TRAK1: variants seen among roughly 807,000 people sequenced by gnomAD.
TRAK1 encodes trafficking kinesin-binding protein 1.
In TRAK1, 33 loss-of-function variants were observed where a neutral mutation model predicts 92.1. The ratio of observed to expected loss-of-function variants is 0.36; its 90% CI spans 0.27 to 0.48. TRAK1 has a LOEUF of 0.48. Ranked by LOEUF, TRAK1 falls within the 20% of genes least tolerant of loss-of-function variation. TRAK1 has a pLI of 0.99. For synonymous variants in TRAK1, 521 were observed against 517.3 expected (o/e 1.01, Z -0.10); for missense variants, 1,123 against 1,257.9 (o/e 0.89, Z 1.62).
intron 1 of TRAK1, among the ~76,000 whole-genome samples, chr3:42,091,803 A>C (rs1705108884): frequency 6.6e-6 from 1 of 151,910 alleles, no homozygotes; most frequent in Non-Finnish European, 1.5e-5. Flanking sequence ...CCCCTTGCCC[A>C]GGCTCAGTAG....
At chr3:42,187,718 CG>C (rs1174931355) in intron 4 of TRAK1, among the ~76,000 whole-genome samples, 22 of 152,246 alleles carry the variant, frequency 1.4e-4, no homozygotes, top group African/African-American at 5.3e-4. Flanking sequence ...CTGCCTGCCT[CG>C]GCCTCCCAAA....
chr3:42,083,915 C>A (rs1310823393), upstream of TRAK1, among the ~76,000 whole-genome samples: 1 of 151,882 alleles, frequency 6.6e-6, no homozygotes. Context: ...TAAATAAATT[C>A]TGAGGAATTA....
At chr3:42,183,375 G>T (rs533758768) in intron 3 of TRAK1, among the ~76,000 whole-genome samples, 2 of 152,020 alleles carry the variant, frequency 1.3e-5, no homozygotes, top group South Asian at 2.1e-4. Flanking sequence ...GGCCAACGTG[G>T]TGAAACCCTG....
rs1706188864 is a variant in TRAK1 at position 42,193,880 on chromosome 3, G to A, written c.957G>A (p.Gln319=). ...VQHLGAAKDA[Q]RQLTAELREL... Reference sequence around the variant, plus strand: ...ATCTGGGGGCTGCTAAGGATGCCCAGCGGCAGCTCACAGCCGAGGTGAGCA... The same window carrying A: ...ATCTGGGGGCTGCTAAGGATGCCCAACGGCAGCTCACAGCCGAGGTGAGCA... The change falls in exon 9 of 16, where the codon CAG becomes CAA. Residue 319 remains glutamine, a synonymous_variant. Transcript: ENST00000327628. The A allele has an allele frequency of 1.9e-6, 3 of 1,614,192 alleles. No individual in the cohort carries two copies. In the East Asian group the frequency reaches 6.7e-5, roughly 36 times the overall value.
At chr3:42,222,231 G>A (rs1480988910) in intron 15 of TRAK1, among the ~76,000 whole-genome samples, 2 of 152,102 alleles carry the variant, frequency 1.3e-5, no homozygotes, top group Admixed American at 6.6e-5. Context: ...GGGTAGCACC[G>A]TTGATGTAGA....
intron 1 of TRAK1, among the ~76,000 whole-genome samples, chr3:42,042,706 C>G (rs553493860): frequency 1.3e-5 from 2 of 152,146 alleles, no homozygotes; most frequent in African/African-American, 4.8e-5. Context: ...ATAGAGACTT[C>G]TGAGTAGAAA....
In TRAK1 at chr3:42,202,086, C is replaced by T. The variant is rs1707711129; in HGVS notation, c.1428-350C>T. On this transcript the variant is annotated intron_variant, in intron 12 of 15. Transcript: ENST00000327628. The surrounding 1 kb of genome is among the most constrained non-coding windows in gnomAD (Gnocchi z 6.1). Reference sequence around the variant, plus strand: ...TCCTTCAAGAGAAGAGAGAAACATGCCTTAACCCCATTATCCTTCTGGTAG... The same window carrying T: ...TCCTTCAAGAGAAGAGAGAAACATGTCTTAACCCCATTATCCTTCTGGTAG... Among the ~76,000 whole-genome samples the T allele has an allele frequency of 6.6e-6, 1 of 152,106 alleles. No homozygotes were observed. Among genetic ancestry groups the T allele is most frequent in the Non-Finnish European group, 1.5e-5 (1 of 68,026 alleles).
chr3:42,171,433 T>C (rs1272935305), intron 2 of TRAK1, among the ~76,000 whole-genome samples: 1 of 152,218 alleles, frequency 6.6e-6, no homozygotes, highest in Non-Finnish European at 1.5e-5. Flanking sequence ...AGAAAGCTTT[T>C]ATCAAGCTTG....
At chr3:42,181,847 T>C (rs1016631892) in intron 3 of TRAK1, among the ~76,000 whole-genome samples, 1 of 152,208 alleles carries the variant, frequency 6.6e-6, no homozygotes, top group Non-Finnish European at 1.5e-5. Context: ...CTGGAGACTT[T>C]AATTCTGTGC....
intron 2 of TRAK1, among the ~76,000 whole-genome samples, chr3:42,165,731 G>A (rs1002009782): frequency 6.6e-6 from 1 of 152,226 alleles, no homozygotes; most frequent in East Asian, 1.9e-4. Context: ...CTGACCTGGC[G>A]CATCAGTACC....
chr3:42,194,775 C>G, intron 9 of TRAK1, 29 bp from the exon 10 acceptor site: 1 of 1,610,792 alleles, frequency 6.2e-7, no homozygotes, highest in African/African-American at 1.3e-5. Flanking sequence ...TCAGGAGATC[C>G]TGACCCTCTG....
At chr3:42,021,745 T>A (rs1399671872) in intron 1 of TRAK1, among the ~76,000 whole-genome samples, 1 of 152,016 alleles carries the variant, frequency 6.6e-6, no homozygotes, top group Non-Finnish European at 1.5e-5. Context: ...CCTGGCTAAT[T>A]TTTGTATTTT....
intron 1 of TRAK1, among the ~76,000 whole-genome samples, chr3:42,104,320 C>A (rs990630723): frequency 6.6e-6 from 1 of 152,154 alleles, no homozygotes; most frequent in Non-Finnish European, 1.5e-5. Flanking sequence ...CTTAAATGTC[C>A]CTGTCTGACA....
chr3:42,090,779 G>A (rs186854557), upstream of TRAK1, among the ~76,000 whole-genome samples: 2 of 152,212 alleles, frequency 1.3e-5, no homozygotes, highest in African/African-American at 2.4e-5. Context: ...GTGACTTGGG[G>A]GTTCTTTGTT....
rs1701406210 is a variant in TRAK1, at chr3:42,013,910, G to A, written c.-726G>A. 1 of 150,540 alleles carries A rather than the reference G, an allele frequency of 6.6e-6. No homozygotes were observed. Among genetic ancestry groups the A allele is most frequent in the South Asian group, 2.1e-4 (1 of 4,822 alleles). The allele number at this position is 150,540 out of a possible 1,614,324, so 9.3% of individuals were successfully genotyped here. A position where few individuals can be genotyped will look rare whatever the true frequency, so the allele number is the denominator to read the frequency against. On this transcript the variant is annotated 5_prime_UTR_variant, in exon 1 of 17. Transcript: ENST00000487159. The surrounding 1 kb of genome is among the most constrained non-coding windows in gnomAD (Gnocchi z 5.1). ...GGAACCCCGGACTCCGAGCCCAGGA[G>A]CGCCAGAGCGGCAGGCGGGCAGCAG...
intron 3 of TRAK1, among the ~76,000 whole-genome samples, chr3:42,180,994 G>A (rs1030687777): frequency 6.6e-6 from 1 of 152,184 alleles, no homozygotes; most frequent in African/African-American, 2.4e-5. Context: ...TCCTTAGTGG[G>A]GCAAGAAGAG....
At position 42,041,623 on chromosome 3, in the gene TRAK1, G is replaced by C. The variant is rs73828513; in HGVS notation, c.-519+27506G>C. ...TTTTTTTTTTTTTCTAATTGCTCTG[G>C]CTAGAATTTCCAGTACGATGTTGAA... On this transcript the variant is annotated intron_variant, in intron 1 of 16. Transcript: ENST00000487159. Among the ~76,000 whole-genome samples the C allele has an allele frequency of 5.7e-3, 851 of 150,126 alleles. 7 individuals are homozygous for C. Among genetic ancestry groups the C allele is most frequent in the African/African-American group, 0.02 (813 of 40,698 alleles).
intron 1 of TRAK1, among the ~76,000 whole-genome samples, chr3:42,031,634 A>G (rs1177594643): frequency 6.6e-6 from 1 of 151,092 alleles, no homozygotes. Flanking sequence ...CCTTGTCTCA[A>G]AAAATAGTTT....
chr3:42,091,335 A>AT (rs1705027957), upstream of TRAK1: 1 of 740,344 alleles, frequency 1.4e-6, no homozygotes, highest in Admixed American at 2.8e-5. Flanking sequence ...CAATCTTAGG[A>AT]TTTGCCCTAA....
Sources: allele counts gnomAD v4.1 joint callset (sites outside exome capture counted in the v4.1 genomes callset), GRCh38; gene constraint gnomAD v4.1.1; non-coding constraint Gnocchi (gnomAD v3.1); transcripts MANE v1.5; gene names NCBI Gene and HGNC (gene_info 2026-07-23, HGNC 2026-07-21).